Variants in ARHGAP24 observed in about 807,000 individuals in gnomAD.
The protein encoded by ARHGAP24 is Rho GTPase activating protein 24.
Under a neutral mutation model 76.4 loss-of-function variants are expected in ARHGAP24, and 50 were observed. The ratio of observed to expected loss-of-function variants is 0.65; its 90% CI spans 0.52 to 0.83. ARHGAP24 has a LOEUF of 0.83. Ranked by LOEUF, ARHGAP24 falls within the 40% of genes least tolerant of loss-of-function variation. ARHGAP24 has a pLI of 0.00. For missense variants in ARHGAP24, 930 were observed against 914.2 expected (o/e 1.02, Z -0.22); for synonymous variants, 345 against 323.3 (o/e 1.07, Z -0.72).
chr4:85,601,532 C>CTG (rs1720028241), intron 2 of ARHGAP24, among the ~76,000 whole-genome samples: 2 of 152,050 alleles, frequency 1.3e-5, no homozygotes, highest in Admixed American at 6.6e-5. Context: ...CTGGCTTCTA[C>CTG]GCGCTAGATG....
chr4:85,623,938 G>A (rs550557078), intron 2 of ARHGAP24, among the ~76,000 whole-genome samples: 13 of 151,954 alleles, frequency 8.6e-5, no homozygotes, highest in Admixed American at 2.6e-4. Flanking sequence ...CAGTGATTTT[G>A]TATCCTGAGA....
chr4:85,872,758 C>T (rs980051032), intron 3 of ARHGAP24, among the ~76,000 whole-genome samples: 3 of 151,052 alleles, frequency 2.0e-5, no homozygotes, highest in Non-Finnish European at 2.9e-5. Flanking sequence ...CCACCATGCC[C>T]GGCTAACTTT....
At chr4:85,817,365 CAT>C (rs1491496872) in intron 3 of ARHGAP24, among the ~76,000 whole-genome samples, 2 of 152,112 alleles carry the variant, frequency 1.3e-5, no homozygotes, top group Non-Finnish European at 2.9e-5. Context: ...GCTTTTTTCA[CAT>C]GTTTTCTTCT....
intron 1 of ARHGAP24, among the ~76,000 whole-genome samples, chr4:85,564,926 A>ATATG (rs1183031297): frequency 7.7e-4 from 13 of 16,982 alleles, no homozygotes; most frequent in Non-Finnish European, 1.4e-3. Flanking sequence ...CACACACGGT[A>ATATG]TATATATATA....
intron 2 of ARHGAP24, among the ~76,000 whole-genome samples, chr4:85,688,332 G>T (rs1204159594): frequency 6.6e-6 from 1 of 152,106 alleles, no homozygotes. Flanking sequence ...TAGTGATAAT[G>T]AATATTTTTT....
rs199531060 is a variant in ARHGAP24 at position 85,821,716 on chromosome 4, AT to A, written c.268+99750del. Among the ~76,000 whole-genome samples, 1,503 of 152,256 alleles carry A rather than the reference AT, an allele frequency of 9.9e-3. 27 individuals carry two copies. The highest frequency in any genetic ancestry group is 0.033 in the African/African-American group (1,358 of 41,540). ...TTTTATATGAAGGCATAAATTATTA[AT>A]TTTTTAATTAGTTTTTAAATCAACC... On this transcript the variant is annotated intron_variant, in intron 3 of 9. Coordinates refer to ENST00000395184, the MANE Select transcript of ARHGAP24 (RefSeq NM_001025616.3).
intron 2 of ARHGAP24, among the ~76,000 whole-genome samples, chr4:85,578,061 T>C (rs1220066356): frequency 6.6e-6 from 1 of 152,246 alleles, no homozygotes; most frequent in Non-Finnish European, 1.5e-5. Context: ...TTTCTTGGTT[T>C]ATTAGACTTA....
chr4:85,931,058 G>T (rs1250284032), intron 4 of ARHGAP24: 17 of 1,606,420 alleles, frequency 1.1e-5, no homozygotes, highest in Non-Finnish European at 1.4e-5. Context: ...TAGATAATAT[G>T]TTCATGTCCT....
chr4:85,500,116 T>C (rs1723744829), intron 1 of ARHGAP24, among the ~76,000 whole-genome samples: 1 of 152,196 alleles, frequency 6.6e-6, no homozygotes, highest in Non-Finnish European at 1.5e-5. Flanking sequence ...TTGAAGTATG[T>C]TTACATGTTG....
intron 2 of ARHGAP24, among the ~76,000 whole-genome samples, chr4:85,634,368 C>G (rs181155243): frequency 3.9e-4 from 60 of 151,910 alleles, no homozygotes; most frequent in African/African-American, 1.3e-3. Flanking sequence ...TAATAACAAA[C>G]ATAGGATTCC....
At chr4:85,495,654 G>GA (rs1723550334) in intron 1 of ARHGAP24, among the ~76,000 whole-genome samples, 1 of 151,998 alleles carries the variant, frequency 6.6e-6, no homozygotes, top group African/African-American at 2.4e-5. Flanking sequence ...GCCTGGCCCA[G>GA]AAAAATTTTA....
chr4:85,635,446 T>C (rs1408145987), intron 2 of ARHGAP24, among the ~76,000 whole-genome samples: 2 of 151,900 alleles, frequency 1.3e-5, no homozygotes, highest in Non-Finnish European at 2.9e-5. Flanking sequence ...AATGGCTTAT[T>C]CTTATTGTCT....
intron 3 of ARHGAP24, among the ~76,000 whole-genome samples, chr4:85,858,123 C>G (rs1249297728): frequency 6.6e-6 from 1 of 152,148 alleles, no homozygotes; most frequent in African/African-American, 2.4e-5. Context: ...CATAGGCCTT[C>G]TTTCAATTAG....
At chr4:85,982,968 T>G (rs181600087) in intron 8 of ARHGAP24, among the ~76,000 whole-genome samples, 28 of 152,228 alleles carry the variant, frequency 1.8e-4, no homozygotes, top group Middle Eastern at 6.8e-3. Context: ...CCCCTCCCTA[T>G]GTCCATGTGT....
intron 1 of ARHGAP24, among the ~76,000 whole-genome samples, chr4:85,478,340 T>C (rs372920443): frequency 2.0e-5 from 3 of 152,344 alleles, no homozygotes; most frequent in African/African-American, 7.2e-5. Context: ...AAGCCTCACA[T>C]CGAGTCTCGC....
At chr4:85,661,071 T>C (rs1722364784) in intron 2 of ARHGAP24, among the ~76,000 whole-genome samples, 1 of 152,216 alleles carries the variant, frequency 6.6e-6, no homozygotes, top group African/African-American at 2.4e-5. Flanking sequence ...GATTCATATG[T>C]GTTACAAACT....
intron 2 of ARHGAP24, among the ~76,000 whole-genome samples, chr4:85,683,121 G>C (rs1279024899): frequency 4.2e-4 from 49 of 115,352 alleles, no homozygotes; most frequent in Middle Eastern, 4.2e-3. Context: ...GGGGGGTGGG[G>C]GGGGGGTGCG....
At chr4:85,861,589 A>T (rs1731900114) in intron 3 of ARHGAP24, among the ~76,000 whole-genome samples, 1 of 152,132 alleles carries the variant, frequency 6.6e-6, no homozygotes, top group Admixed American at 6.6e-5. Flanking sequence ...GTATACAGTT[A>T]AGGAGGAAAA....
At chr4:85,963,771 C>A (rs1738401135) in intron 5 of ARHGAP24, among the ~76,000 whole-genome samples, 1 of 152,088 alleles carries the variant, frequency 6.6e-6, no homozygotes, top group African/African-American at 2.4e-5. Context: ...TTGTGGGATA[C>A]ATATTTGTTT....
Sources: gnomAD v4.1 joint callset for allele counts (sites outside exome capture counted in the v4.1 genomes callset) on GRCh38, gnomAD v4.1.1 for gene constraint, MANE v1.5 for transcripts, NCBI Gene and HGNC (gene_info 2026-07-23, HGNC 2026-07-21) for gene names.